PHF3: variants seen among roughly 807,000 people sequenced by gnomAD.
PHF3 encodes the protein PHD finger protein 3.
A neutral mutation model predicts 178.4 loss-of-function variants in PHF3; 41 were observed. The observed-to-expected ratio is 0.23, with a 90% CI of 0.18 to 0.30. PHF3 has a LOEUF of 0.30. PHF3 is among the 10% of genes least tolerant of loss of function. PHF3 has a pLI of 1.00. For synonymous variants in PHF3, 842 were observed against 800.5 expected (o/e 1.05, Z -0.88); for missense variants, 2,346 against 2,398.1 (o/e 0.98, Z 0.45).
At chr6:63,640,823 T>TTGAC (rs1764540549) in intron 1 of PHF3, among the ~76,000 whole-genome samples, 1 of 152,210 alleles carries the variant, frequency 6.6e-6, no homozygotes, top group Non-Finnish European at 1.5e-5. Flanking sequence ...TTTCTTAAAC[T>TTGAC]TGACTGTTGA....
At chr6:63,677,085 G>A (rs983576071) in intron 2 of PHF3, among the ~76,000 whole-genome samples, 3 of 152,074 alleles carry the variant, frequency 2.0e-5, no homozygotes, top group Non-Finnish European at 4.4e-5. Context: ...GGGAGGATTG[G>A]TAGAATCAGT....
intron 2 of PHF3, among the ~76,000 whole-genome samples, chr6:63,661,694 C>T (rs1765471169): frequency 6.6e-6 from 1 of 152,110 alleles, no homozygotes; most frequent in African/African-American, 2.4e-5. Context: ...TCAGTTCTCA[C>T]TAGATTTTTT....
chr6:63,721,223 A>G lies in PHF3; in HGVS notation c.*7515A>G. Reference sequence around the variant, plus strand: ...CCACCCAACCCAAAGTACACAGGCAACTGTAAGAAAATGATTGGTCAGGTA... The same window carrying G: ...CCACCCAACCCAAAGTACACAGGCAGCTGTAAGAAAATGATTGGTCAGGTA... On this transcript the variant is annotated 3_prime_UTR_variant, in exon 16 of 16. Coordinates refer to ENST00000262043, the MANE Select transcript of PHF3 (RefSeq NM_001370348.2). 6.4e-7 allele frequency: 1 copy of G among 1,551,808 alleles called. No individual in the cohort carries two copies. The highest frequency in any genetic ancestry group is 1.4e-5 in the African/African-American group (1 of 73,178).
At position 63,685,236 on chromosome 6, in the gene PHF3, C is replaced by T. The variant is rs1329901074; in HGVS notation, c.1514C>T (p.Ala505Val). The change falls in exon 4 of 16, where the codon GCT becomes GTT. Residue 505 changes from alanine to valine, a missense_variant. Physicochemically the swap from Ala to Val is moderately conservative, Grantham distance 64. Transcript: ENST00000262043. ...IHSKQNMTTD[A>V]PKKIVAAKYE... ...TCTAAGCAAAACATGACCACAGATG[C>T]TCCGAAGAAAATTGTTGCAGCAAAG... The T allele has an allele frequency of 6.2e-7, 1 of 1,613,896 alleles. No individual in the cohort carries two copies. Among genetic ancestry groups the T allele is most frequent in the African/African-American group, 1.3e-5 (1 of 74,994 alleles).
At position 63,706,378 on chromosome 6, in the gene PHF3, C is replaced by T. The variant is rs543823194; in HGVS notation, c.3563+154C>T. ...TGTACTTTGAGATAAAACAAGACTT[C>T]GAAAATAAATATATTTGGAGTGTTT... On this transcript the variant is annotated intron_variant, in intron 12 of 15. Transcript: ENST00000262043. Among the ~76,000 whole-genome samples, 91 of 152,184 alleles carry T rather than the reference C, an allele frequency of 6.0e-4. No individual in the cohort carries two copies. The Middle Eastern group carries it at 0.01, about 17-fold the overall frequency.
At chr6:63,689,647 A>C (rs1766908108) in intron 4 of PHF3, among the ~76,000 whole-genome samples, 1 of 152,198 alleles carries the variant, frequency 6.6e-6, no homozygotes, top group Non-Finnish European at 1.5e-5. Flanking sequence ...TTTGCTTTTT[A>C]TAGCCTCTCA....
chr6:63,643,453 A>AT (rs1764659338), intron 1 of PHF3, among the ~76,000 whole-genome samples: 1 of 152,122 alleles, frequency 6.6e-6, no homozygotes, highest in Non-Finnish European at 1.5e-5. Context: ...ATTTATAACA[A>AT]TTTTCCTTAA....
In PHF3 at chr6:63,719,471, T is replaced by TG. The variant is rs1201803415; in HGVS notation, c.*5764dup. ...ACCAAGTCAGTCATATGTTGCCGGT[T>TG]GCCAAGTGGCAAAATTATCACAGAT... On this transcript the variant is annotated 3_prime_UTR_variant, in exon 16 of 16. Coordinates refer to ENST00000262043, the MANE Select transcript of PHF3 (RefSeq NM_001370348.2). 6.6e-6 allele frequency among the ~76,000 whole-genome samples: 1 copy of TG among 152,090 alleles called. No individual in the cohort carries two copies. The highest frequency in any genetic ancestry group is 1.5e-5 in the Non-Finnish European group (1 of 67,962).
chr6:63,664,748 C>T (rs898987155), intron 2 of PHF3, among the ~76,000 whole-genome samples: 1 of 151,936 alleles, frequency 6.6e-6, no homozygotes, highest in African/African-American at 2.4e-5. Flanking sequence ...TTTTACATAT[C>T]TGGTTCCAAG....
intron 1 of PHF3, chr6:63,636,451 A>C (rs192043704): frequency 0.012 from 1,837 of 152,192 alleles, 39 homozygotes; most frequent in African/African-American, 0.042. Flanking sequence ...ACTGGTACCC[A>C]GCCGTCTGCT....
intron 1 of PHF3, chr6:63,636,711 G>A (rs1044172488): frequency 1.3e-5 from 2 of 152,280 alleles, no homozygotes; most frequent in African/African-American, 4.8e-5. Context: ...GTTACCGCGC[G>A]CTTTTGTGCC....
intron 4 of PHF3, among the ~76,000 whole-genome samples, chr6:63,689,220 G>C (rs555609405): frequency 5.3e-5 from 8 of 152,156 alleles, no homozygotes; most frequent in Middle Eastern, 3.4e-3. Context: ...TCTTTTAAAC[G>C]TAAGTCAGTT....
In PHF3 at chr6:63,725,443, T is replaced by A. The variant is rs774775525; in HGVS notation, c.*11735T>A. Among the ~76,000 whole-genome samples the A allele has an allele frequency of 6.6e-6, 1 of 152,120 alleles. No individual in the cohort carries two copies. Among genetic ancestry groups the A allele is most frequent in the Non-Finnish European group, 1.5e-5 (1 of 67,978 alleles). On this transcript the variant is annotated 3_prime_UTR_variant, in exon 16 of 16. Transcript: ENST00000262043. ...TACATAGGTCCCACTTAACATTAAT[T>A]TTGAGTTTTATTAGCAATATAACTG...
chr6:63,692,123 C>G (rs1156235142), intron 5 of PHF3, 80 bp downstream of exon 5: 20 of 996,696 alleles, frequency 2.0e-5, no homozygotes, highest in Non-Finnish European at 2.9e-5. Flanking sequence ...TGAAATTTCT[C>G]TTTAGAAGTT....
intron 13 of PHF3, among the ~76,000 whole-genome samples, chr6:63,707,181 T>G (rs1171143960): frequency 6.6e-6 from 1 of 152,232 alleles, no homozygotes; most frequent in Non-Finnish European, 1.5e-5. Context: ...AATACACACT[T>G]AAATAAAAGA....
intron 1 of PHF3, among the ~76,000 whole-genome samples, chr6:63,642,165 G>A (rs1764604273): frequency 2.0e-5 from 3 of 152,102 alleles, no homozygotes; most frequent in Admixed American, 2.0e-4. Flanking sequence ...TGTATTCTGA[G>A]TCTTTATAAA....
At chr6:63,694,799 A>G (rs980834441) in intron 6 of PHF3, 35 bp downstream of exon 6, 2 of 1,162,958 alleles carry the variant, frequency 1.7e-6, no homozygotes, top group African/African-American at 1.6e-5. Flanking sequence ...ATATACTAAT[A>G]TATTTATATC....
Position 63,709,159 on chromosome 6 carries a change from A to G in PHF3, c.3720A>G (p.Pro1240=), listed in dbSNP as rs1309393004. The change falls in exon 14 of 16, where the codon CCA becomes CCG. Residue 1240 remains proline (P), a synonymous_variant. Transcript: ENST00000262043. ...GSPEYLTEDL[P]DSIQVGGRIS... is the part of the protein sequence containing the mutation. ...TTTTTTTTTAACCATAGGACCTACCAGATAGTATTCAAGTAGGTGGCAGGA... is the reference window on the plus strand; with the variant it reads ...TTTTTTTTTAACCATAGGACCTACCGGATAGTATTCAAGTAGGTGGCAGGA... The G allele has an allele frequency of 6.4e-7, 1 of 1,573,854 alleles. No homozygotes were observed. Among genetic ancestry groups the G allele is most frequent in the South Asian group, 1.1e-5 (1 of 89,794 alleles).
intron 4 of PHF3, 77 bp downstream of exon 4, chr6:63,685,988 A>AT (rs1766686860): frequency 2.1e-6 from 2 of 974,680 alleles, no homozygotes; most frequent in Admixed American, 4.5e-5. Context: ...TAATGTGAGA[A>AT]TTGTTTTAAA....
Sources: gnomAD v4.1 joint callset for allele counts (sites outside exome capture counted in the v4.1 genomes callset) on GRCh38, gnomAD v4.1.1 for gene constraint, MANE v1.5 for transcripts, NCBI Gene and HGNC (gene_info 2026-07-23, HGNC 2026-07-21) for gene names.